Variants in LIX1 observed in about 807,000 individuals in gnomAD.
LIX1 encodes the protein protein limb expression 1 homolog.
A neutral mutation model predicts 33.4 loss-of-function variants in LIX1; 24 were observed. That is an observed-to-expected ratio of 0.72 (90% confidence interval 0.52 to 1.01). The LOEUF is 1.01. Ranked by LOEUF, LIX1 falls within the 50% of genes least tolerant of loss-of-function variation. The pLI, the probability that LIX1 is intolerant of heterozygous loss-of-function variation, is 0.00. For missense variants in LIX1, 311 were observed against 339.2 expected (o/e 0.92, Z 0.65); for synonymous variants, 124 against 124.0 (o/e 1.00, Z 0.00).
chr5:97,130,753 C>T (rs1409846147), intron 1 of LIX1, among the ~76,000 whole-genome samples: 1 of 152,148 alleles, frequency 6.6e-6, no homozygotes, highest in Non-Finnish European at 1.5e-5. Context: ...AATCCAGTTC[C>T]TTTTTGTGAT....
In LIX1 at chr5:97,117,017, G is replaced by A. The variant is rs1747653309; in HGVS notation, c.246+7449C>T. On this transcript the variant is annotated intron_variant, in intron 2 of 5. Transcript: ENST00000274382. ...CTATTCACTTTGTTTAATAAAAAAA[G>A]AAACAGATTAAAGTTAGGGAAGGAG... 3.3e-5 allele frequency among the ~76,000 whole-genome samples: 5 copies of A among 152,124 alleles called. No homozygotes were observed. In the South Asian group the frequency reaches 1.0e-3, roughly 32 times the overall value.
chr5:97,126,615 T>C (rs1747928949), intron 1 of LIX1, among the ~76,000 whole-genome samples: 1 of 151,582 alleles, frequency 6.6e-6, no homozygotes, highest in Non-Finnish European at 1.5e-5. Flanking sequence ...TTTTTGAAAA[T>C]ATTTGAAATA....
At position 97,094,695 on chromosome 5, in the gene LIX1, C is replaced by T; in HGVS notation, c.*53G>A. The T allele has an allele frequency of 6.4e-7, 1 of 1,562,202 alleles. No homozygotes were observed. Among genetic ancestry groups the T allele is most frequent in the East Asian group, 2.2e-5 (1 of 44,582 alleles). On this transcript the variant is annotated 3_prime_UTR_variant, in exon 6 of 6. Coordinates refer to ENST00000274382, the MANE Select transcript of LIX1 (RefSeq NM_153234.5). ...TCTGAGGACCTCTGCACTGAGATTC[C>T]TAATGTTAATCTGGCCTCTGCCATC...
Position 97,094,821 on chromosome 5 carries a change from A to T in LIX1, c.776T>A (p.Ile259Asn), listed in dbSNP as rs1337931530. 1 of 1,614,176 alleles carries T rather than the reference A, an allele frequency of 6.2e-7. No individual in the cohort carries two copies. ...TGAGGAAGTGTCAGGGTCACTGCAG[A>T]TCTGAGTCAGGGCTAAGCTCAATAT... ...KEILSLALTQ[I>N]CSDPDTSSPS... is the part of the protein sequence containing the mutation. The change falls in exon 6 of 6, where the codon ATC (isoleucine) becomes AAC (asparagine). Residue 259 changes from isoleucine to asparagine, a missense_variant. Physicochemically the swap from Ile to Asn is moderately radical, Grantham distance 149. Coordinates refer to ENST00000274382, the MANE Select transcript of LIX1 (RefSeq NM_153234.5).
At chr5:97,123,240 C>T (rs757035293) in intron 2 of LIX1, among the ~76,000 whole-genome samples, 1 of 152,212 alleles carries the variant, frequency 6.6e-6, no homozygotes, top group Non-Finnish European at 1.5e-5. Flanking sequence ...GAAGTTCAAC[C>T]CATATCTCTT....
chr5:97,105,102 G>T, intron 4 of LIX1, 88 bp downstream of exon 4: 2 of 1,174,722 alleles, frequency 1.7e-6, no homozygotes, highest in Non-Finnish European at 2.5e-6. Flanking sequence ...AAGATTATTG[G>T]GTCGGGAGAT....
intron 1 of LIX1, among the ~76,000 whole-genome samples, chr5:97,139,222 T>A (rs1218765829): frequency 1.3e-5 from 2 of 152,196 alleles, no homozygotes; most frequent in African/African-American, 4.8e-5. Flanking sequence ...TGTACCTACA[T>A]TACTAGCTTA....
intron 1 of LIX1, among the ~76,000 whole-genome samples, chr5:97,132,786 G>A (rs1291263848): frequency 2.6e-5 from 4 of 152,182 alleles, no homozygotes; most frequent in Admixed American, 6.5e-5. Flanking sequence ...ATGTGTGGTT[G>A]CTCTTGTGTA....
rs1748183483 is a variant in LIX1 at position 97,136,852 on chromosome 5, G to A, written c.82+5643C>T. On this transcript the variant is annotated intron_variant, in intron 1 of 5. Transcript: ENST00000274382. Reference sequence around the variant, plus strand: ...GTCTATTTTGTCAATCTTTCAATAGGATTCTTTTTTTTTTCTTTTAAAATA... The same window carrying A: ...GTCTATTTTGTCAATCTTTCAATAGAATTCTTTTTTTTTTCTTTTAAAATA... 2.0e-5 allele frequency among the ~76,000 whole-genome samples: 3 copies of A among 151,954 alleles called. No individual in the cohort carries two copies. The South Asian group carries it at 6.2e-4, about 31-fold the overall frequency.
chr5:97,118,292 G>T (rs1240448804), intron 2 of LIX1, among the ~76,000 whole-genome samples: 1 of 152,192 alleles, frequency 6.6e-6, no homozygotes, highest in Non-Finnish European at 1.5e-5. Context: ...ATTCCAGCAG[G>T]CTATATGTGG....
Position 97,094,703 on chromosome 5 carries a change from A to G in LIX1, c.*45T>C. 2 of 1,581,714 alleles carry G rather than the reference A, an allele frequency of 1.3e-6. No homozygotes were observed. Among genetic ancestry groups the G allele is most frequent in the Non-Finnish European group, 1.7e-6 (2 of 1,158,292 alleles). On this transcript the variant is annotated 3_prime_UTR_variant, in exon 6 of 6. Coordinates refer to ENST00000274382, the MANE Select transcript of LIX1 (RefSeq NM_153234.5). ...CCTCTGCACTGAGATTCCTAATGTT[A>G]ATCTGGCCTCTGCCATCACTGAGGG...
At chr5:97,129,460 T>C (rs1361235992) in intron 1 of LIX1, among the ~76,000 whole-genome samples, 2 of 152,146 alleles carry the variant, frequency 1.3e-5, no homozygotes, top group Admixed American at 1.3e-4. Context: ...GAAGTGACCA[T>C]TCCTATCCTC....
chr5:97,130,271 G>A (rs1479133194), intron 1 of LIX1, among the ~76,000 whole-genome samples: 1 of 152,250 alleles, frequency 6.6e-6, no homozygotes, highest in Non-Finnish European at 1.5e-5. Flanking sequence ...CCAGGTCTCT[G>A]CCTCGTTGTG....
intron 2 of LIX1, among the ~76,000 whole-genome samples, chr5:97,122,921 A>C (rs182681204): frequency 5.9e-5 from 9 of 152,282 alleles, no homozygotes; most frequent in Non-Finnish European, 2.9e-5. Context: ...CATTGACATT[A>C]CTTTTCGGAA....
At chr5:97,102,265 A>C (rs1746749365) in intron 4 of LIX1, 3 of 151,956 alleles carry the variant, frequency 2.0e-5, no homozygotes, top group Admixed American at 2.0e-4. Flanking sequence ...AGCTAGATAC[A>C]AACACACATC....
At chr5:97,107,692 G>T (rs1331692259) in intron 2 of LIX1, among the ~76,000 whole-genome samples, 192 bp from the exon 3 acceptor site, 1 of 152,124 alleles carries the variant, frequency 6.6e-6, no homozygotes, top group Non-Finnish European at 1.5e-5. Flanking sequence ...CAAATGTCTT[G>T]GTTGATCTTC....
intron 2 of LIX1, among the ~76,000 whole-genome samples, chr5:97,113,143 A>C (rs982820448): frequency 1.3e-5 from 2 of 152,250 alleles, no homozygotes; most frequent in Non-Finnish European, 2.9e-5. Context: ...GGAAAGGCAT[A>C]CATGGCAGAT....
chr5:97,129,400 T>A (rs548541926), intron 1 of LIX1, among the ~76,000 whole-genome samples: 5 of 149,560 alleles, frequency 3.3e-5, no homozygotes, highest in Admixed American at 2.0e-4. Flanking sequence ...TAACAAGATT[T>A]AAAAAAAAAA....
At chr5:97,116,025 A>G (rs1262466541) in intron 2 of LIX1, among the ~76,000 whole-genome samples, 2 of 152,034 alleles carry the variant, frequency 1.3e-5, no homozygotes, top group African/African-American at 4.8e-5. Flanking sequence ...GGTGCTTGGG[A>G]ACATTTTGCT....
Sources: allele counts gnomAD v4.1 joint callset (sites outside exome capture counted in the v4.1 genomes callset), GRCh38; gene constraint gnomAD v4.1.1; transcripts MANE v1.5; gene names NCBI Gene and HGNC (gene_info 2026-07-23, HGNC 2026-07-21).